KLF2: variants seen among roughly 807,000 people sequenced by gnomAD.
KLF2 encodes the protein Krueppel-like factor 2.
In KLF2, 9 loss-of-function variants were observed where a neutral mutation model predicts 22.2. The ratio of observed to expected loss-of-function variants is 0.40; its 90% CI spans 0.24 to 0.71. The LOEUF is 0.71. KLF2 is among the 30% of genes least tolerant of loss of function. KLF2 has a pLI of 0.35. For synonymous variants in KLF2, 299 were observed against 264.2 expected (o/e 1.13, Z -1.28); for missense variants, 481 against 542.1 (o/e 0.89, Z 1.12).
Position 16,327,676 on chromosome 19 carries a change from T to C in KLF2, c.*645T>C, listed in dbSNP as rs984588587. ...GTCTGCCAGCACCGGGACTGCCAGC[T>C]GCTGTGCCTGCCTGCCAGGAACCTG... On this transcript the variant is annotated 3_prime_UTR_variant, in exon 3 of 3. Coordinates refer to ENST00000248071, the MANE Select transcript of KLF2 (RefSeq NM_016270.4). 6.6e-6 allele frequency: 1 copy of C among 152,196 alleles called. No homozygotes were observed. The highest frequency in any genetic ancestry group is 1.5e-5 in the Non-Finnish European group (1 of 68,050). The allele number at this position is 152,196 out of a possible 1,614,324, so 9.4% of individuals were successfully genotyped here.
In KLF2 at chr19:16,328,162, A is replaced by G. The variant is rs907249431; in HGVS notation, c.*1131A>G. Among the ~76,000 whole-genome samples the G allele has an allele frequency of 6.6e-6, 1 of 152,070 alleles. No homozygotes were observed. The highest frequency in any genetic ancestry group is 1.9e-4 in the East Asian group (1 of 5,190). On this transcript the variant is annotated 3_prime_UTR_variant, in exon 3 of 3. Coordinates refer to ENST00000248071, the MANE Select transcript of KLF2 (RefSeq NM_016270.4). ...TGTTAGCCTGCTCTGTCTGCCTCCA[A>G]GGGTCCCTGAACCCCACTGGAAGGG... is the stretch of plus-strand genomic sequence containing the variant.
intron 1 of KLF2, 27 bp downstream of exon 1, chr19:16,325,025 G>A: frequency 6.5e-7 from 1 of 1,544,646 alleles, no homozygotes; most frequent in Non-Finnish European, 8.7e-7. Flanking sequence ...CGGCGGGGCG[G>A]CCGGGACCGT....
At chr19:16,326,340 G>A (rs1032214833) in intron 2 of KLF2, among the ~76,000 whole-genome samples, 1 of 151,888 alleles carries the variant, frequency 6.6e-6, no homozygotes, top group Non-Finnish European at 1.5e-5. Context: ...GCGTGGCTAG[G>A]GAGACAGTCT....
Position 16,324,968 on chromosome 19 carries a change from C to A in KLF2, c.45C>A (p.Ala15=). ...EPILPSFSTF[A]SPCRERGLQE... ...TCCTGCCGTCCTTCTCCACTTTCGC[C>A]AGCCCGTGCCGCGAGCGCGGCCTGC... The change falls in exon 1 of 3, where the codon GCC becomes GCA. Residue 15 remains alanine (A), a synonymous_variant. Coordinates refer to ENST00000248071, the MANE Select transcript of KLF2 (RefSeq NM_016270.4). The A allele has an allele frequency of 6.2e-7, 1 of 1,602,660 alleles. No individual in the cohort carries two copies.
At chr19:16,326,156 A>C in intron 2 of KLF2, 124 bp downstream of exon 2, 1 of 964,970 alleles carries the variant, frequency 1.0e-6, no homozygotes, top group South Asian at 1.7e-5. Context: ...GGGATCTGGC[A>C]GGTGGTGCAC....
At chr19:16,326,218 C>T (rs1204528137) in intron 2 of KLF2, among the ~76,000 whole-genome samples, 186 bp downstream of exon 2, 2 of 146,758 alleles carry the variant, frequency 1.4e-5, no homozygotes, top group African/African-American at 5.1e-5. Context: ...GGGGGGCACA[C>T]AGGAACACTC....
chr19:16,326,147 G>A, intron 2 of KLF2, 115 bp downstream of exon 2: 2 of 1,046,670 alleles, frequency 1.9e-6, no homozygotes, highest in Non-Finnish European at 2.7e-6. Context: ...TGGCTCAGGG[G>A]GATCTGGCAG....
rs1365361851 is a variant in KLF2 at position 16,325,847 on chromosome 19, C to T, written c.707C>T (p.Pro236Leu). The change falls in exon 2 of 3, where the codon CCC becomes CTC. Residue 236 changes from proline to leucine, a missense_variant. This residue lies in a region of KLF2 where 421 missense variants were observed against 435.1 expected (regional missense o/e 0.97). Coordinates refer to ENST00000248071, the MANE Select transcript of KLF2 (RefSeq NM_016270.4). ...GCCGCGGCAGCCCTGGGCCTGGCGC[C>T]CCCCGCCGCCCGCGGTCTCCTCACG... is the stretch of plus-strand genomic sequence containing the variant. ...AAAAAALGLA[P>L]PAARGLLTPP... The T allele has an allele frequency of 1.4e-6, 2 of 1,418,442 alleles. No individual in the cohort carries two copies. The highest frequency in any genetic ancestry group is 1.8e-6 in the Non-Finnish European group (2 of 1,095,310). The allele number at this position is 1,418,442 out of a possible 1,614,324, so 87.9% of individuals were successfully genotyped here.
Position 16,328,275 on chromosome 19 carries a change from A to G in KLF2, c.*1244A>G, listed in dbSNP as rs2091896127. ...CCCTGTAGGTCTCCTGGTGCAAAAAATTCACTGCCTCAATGGTAGGAGGTG... is the reference window on the plus strand; with the variant it reads ...CCCTGTAGGTCTCCTGGTGCAAAAAGTTCACTGCCTCAATGGTAGGAGGTG... On this transcript the variant is annotated 3_prime_UTR_variant, in exon 3 of 3. Coordinates refer to ENST00000248071, the MANE Select transcript of KLF2 (RefSeq NM_016270.4). Among the ~76,000 whole-genome samples, 1 of 152,050 alleles carries G rather than the reference A, an allele frequency of 6.6e-6. No homozygotes were observed. The highest frequency in any genetic ancestry group is 2.1e-4 in the South Asian group (1 of 4,822).
chr19:16,325,888 C>G lies in KLF2; in HGVS notation c.748C>G (p.Leu250Val). The G allele has an allele frequency of 6.7e-7, 1 of 1,489,334 alleles. No individual in the cohort carries two copies. Among genetic ancestry groups the G allele is most frequent in the Non-Finnish European group, 8.9e-7 (1 of 1,125,770 alleles). 92.3% of individuals were successfully genotyped at this position (1,489,334 alleles called of 1,614,324 possible). ...TCTCCTCACGCCGCCTGCGTCCCCG[C>G]TGGAGCTGCTGGAGGCCAAGCCAAA... ...RGLLTPPASP[L>V]ELLEAKPKRG... Residue 250 changes from leucine to valine, a missense_variant, in exon 2 of 3, where the codon CTG becomes GTG. This residue lies in a region of KLF2 where 421 missense variants were observed against 435.1 expected (regional missense o/e 0.97). Transcript: ENST00000248071.
Position 16,324,976 on chromosome 19 carries a change from G to C in KLF2, c.53G>C (p.Cys18Ser), listed in dbSNP as rs757750887. The change falls in exon 1 of 3, where the codon TGC (cysteine) becomes TCC (serine). Residue 18 changes from cysteine (C) to serine (S), a missense_variant. Around this residue, in one of 2 missense-constraint regions of KLF2, gnomAD observed 421 missense variants for 435.1 expected, o/e 0.97. Transcript: ENST00000248071. ...TCCTTCTCCACTTTCGCCAGCCCGT[G>C]CCGCGAGCGCGGCCTGCAGGAGGTG... Reference protein sequence around the residue: ...LPSFSTFASPCRERGLQERWP... With the variant: ...LPSFSTFASPSRERGLQERWP... The C allele has an allele frequency of 1.6e-5, 25 of 1,601,286 alleles. No individual in the cohort carries two copies. The Middle Eastern group carries it at 5.1e-4, about 32-fold the overall frequency.
At chr19:16,326,061 A>C (rs765636522) in intron 2 of KLF2, 29 bp downstream of exon 2, 4 of 1,527,974 alleles carry the variant, frequency 2.6e-6, no homozygotes, top group Non-Finnish European at 3.5e-6. Flanking sequence ...CCAGGAGCGC[A>C]GGCGGGGGGA....
Position 16,327,314 on chromosome 19 carries a change from C to A in KLF2, c.*283C>A. The stretch of plus-strand genomic sequence containing the variant: ...GGCATCTTCTCTCCCACCGGGTCTA[C>A]ACTAGAGGATCGAGGCTTGTGATGC... On this transcript the variant is annotated 3_prime_UTR_variant, in exon 3 of 3. Coordinates refer to ENST00000248071, the MANE Select transcript of KLF2 (RefSeq NM_016270.4). The A allele has an allele frequency of 2.6e-6, 1 of 380,288 alleles. No homozygotes were observed. The highest frequency in any genetic ancestry group is 4.0e-5 in the South Asian group (1 of 25,276). 23.6% of individuals were successfully genotyped at this position (380,288 alleles called of 1,614,324 possible).
In KLF2 at chr19:16,328,555, G is replaced by T. The variant is rs1229920210; in HGVS notation, c.*1524G>T. On this transcript the variant is annotated 3_prime_UTR_variant, in exon 3 of 3. Coordinates refer to ENST00000248071, the MANE Select transcript of KLF2 (RefSeq NM_016270.4). ...AGAGGCTGGGATTTCCTCCCTCCCT[G>T]CATCCTTCCTCCTCCCCAACTACGG... Among the ~76,000 whole-genome samples, 1 of 152,146 alleles carries T rather than the reference G, an allele frequency of 6.6e-6. No individual in the cohort carries two copies. The highest frequency in any genetic ancestry group is 1.5e-5 in the Non-Finnish European group (1 of 68,030).
At position 16,327,773 on chromosome 19, in the gene KLF2, C is replaced by T. The variant is rs1044756127; in HGVS notation, c.*742C>T. Reference sequence around the variant, plus strand: ...GGTTATTTTAAGGTTGTTCTTTGAGCCATAAATTGCCTCTTTGCCCCACAG... The same window carrying T: ...GGTTATTTTAAGGTTGTTCTTTGAGTCATAAATTGCCTCTTTGCCCCACAG... On this transcript the variant is annotated 3_prime_UTR_variant, in exon 3 of 3. Transcript: ENST00000248071. 3 of 151,928 alleles carry T rather than the reference C, an allele frequency of 2.0e-5. No homozygotes were observed. The highest frequency in any genetic ancestry group is 2.9e-5 in the Non-Finnish European group (2 of 68,010). 9.4% of individuals were successfully genotyped at this position (151,928 alleles called of 1,614,324 possible). A position where few individuals can be genotyped will look rare whatever the true frequency, so the allele number is the denominator to read the frequency against.
intron 2 of KLF2, 76 bp downstream of exon 2, chr19:16,326,108 A>G: frequency 7.0e-7 from 1 of 1,423,142 alleles, no homozygotes; most frequent in African/African-American, 1.5e-5. Flanking sequence ...CGCGCGCCAG[A>G]AAATGAATTT....
In KLF2 at chr19:16,325,000, T is replaced by A; in HGVS notation, c.75+2T>A. On this transcript the variant is annotated splice_donor_variant, in intron 1 of 2. Transcript: ENST00000248071. LOFTEE classifies it high-confidence loss of function. ...TGCCGCGAGCGCGGCCTGCAGGAGG[T>A]GAGGGCGGCGGGGACGGCGGGGCGG... 1 of 1,586,914 alleles carries A rather than the reference T, an allele frequency of 6.3e-7. No individual in the cohort carries two copies. Among genetic ancestry groups the A allele is most frequent in the African/African-American group, 1.4e-5 (1 of 72,958 alleles).
chr19:16,327,273 G>A lies in KLF2; in HGVS notation c.*242G>A. On this transcript the variant is annotated 3_prime_UTR_variant, in exon 3 of 3. Coordinates refer to ENST00000248071, the MANE Select transcript of KLF2 (RefSeq NM_016270.4). Reference sequence around the variant, plus strand: ...TTGACGAGTTTTGTTTTTCAAAATGGTGCAATAATTTAAGTGGCATCTTCT... The same window carrying A: ...TTGACGAGTTTTGTTTTTCAAAATGATGCAATAATTTAAGTGGCATCTTCT... 4.3e-6 allele frequency: 2 copies of A among 465,706 alleles called. No individual in the cohort carries two copies. Among genetic ancestry groups the A allele is most frequent in the Non-Finnish European group, 3.9e-6 (1 of 258,970 alleles). 28.8% of individuals were successfully genotyped at this position (465,706 alleles called of 1,614,324 possible). A position where few individuals can be genotyped will look rare whatever the true frequency, so the allele number is the denominator to read the frequency against.
rs1236859979 is a variant in KLF2, at chr19:16,327,014, A to G, written c.1051A>G (p.Met351Val). ...FSRSDHLALH[M>V]KRHM Reference sequence around the variant, plus strand: ...GCGCTCCGATCACCTGGCGCTGCACATGAAACGGCACATGTAGCCGGGACG... The same window carrying G: ...GCGCTCCGATCACCTGGCGCTGCACGTGAAACGGCACATGTAGCCGGGACG... The change falls in exon 3 of 3, where the codon ATG (methionine) becomes GTG (valine). Residue 351 changes from methionine (M) to valine (V), a missense_variant. Met to Val is a conservative substitution (Grantham distance 21, BLOSUM62 1). Transcript: ENST00000248071. 2 of 1,604,978 alleles carry G rather than the reference A, an allele frequency of 1.2e-6. No individual in the cohort carries two copies. Among genetic ancestry groups the G allele is most frequent in the Non-Finnish European group, 8.5e-7 (1 of 1,175,980 alleles).
Sources: gnomAD v4.1 joint callset for allele counts (sites outside exome capture counted in the v4.1 genomes callset) on GRCh38, gnomAD v4.1.1 for gene constraint, gnomAD v4.1.1 regional missense constraint, MANE v1.5 for transcripts, NCBI Gene and HGNC (gene_info 2026-07-23, HGNC 2026-07-21) for gene names.